The following NRXN1 variants were observed in gnomAD, a reference collection of about 807,000 sequenced individuals.
NRXN1 encodes neurexin 1.
In NRXN1, 39 loss-of-function variants were observed where a neutral mutation model predicts 150.9. That is an observed-to-expected ratio of 0.26 (90% CI 0.20 to 0.34). The LOEUF (loss-of-function observed/expected upper bound fraction) is 0.34, where lower values mean the gene tolerates loss of function less well. Ranked by LOEUF, NRXN1 falls within the 10% of genes least tolerant of loss-of-function variation. The pLI is 1.00. For synonymous variants in NRXN1, 924 were observed against 757.0 expected (o/e 1.22, Z -3.62); for missense variants, 1,815 against 1,949.9 (o/e 0.93, Z 1.30).
chr2:50,113,319 C>G (rs1224193831), intron 18 of NRXN1, among the ~76,000 whole-genome samples: 2 of 152,158 alleles, frequency 1.3e-5, no homozygotes, highest in Non-Finnish European at 2.9e-5. Flanking sequence ...GTGCATGTGT[C>G]TCTTCTGCCT....
chr2:50,675,122 C>CA (rs1417508123), intron 5 of NRXN1, among the ~76,000 whole-genome samples: 1 of 152,046 alleles, frequency 6.6e-6, no homozygotes, highest in Non-Finnish European at 1.5e-5. Context: ...TCTGAGGCCT[C>CA]ACCAGAAGCC....
intron 8 of NRXN1, among the ~76,000 whole-genome samples, chr2:50,596,776 T>C (rs1040977871): frequency 2.0e-5 from 3 of 151,238 alleles, no homozygotes; most frequent in East Asian, 2.0e-4. Flanking sequence ...GGACATTCAG[T>C]AGGGATTTCC....
At chr2:50,254,345 A>AT (rs77945156) in intron 17 of NRXN1, among the ~76,000 whole-genome samples, 15 of 145,206 alleles carry the variant, frequency 1.0e-4, no homozygotes, top group East Asian at 6.0e-4. Context: ...CTGTCTTATT[A>AT]TTTTTTTTCA....
At chr2:50,132,068 G>C (rs557168393) in intron 18 of NRXN1, among the ~76,000 whole-genome samples, 2 of 152,296 alleles carry the variant, frequency 1.3e-5, no homozygotes, top group Non-Finnish European at 2.9e-5. Context: ...CAGGTGCCAT[G>C]TGCTGTTTAC....
At chr2:50,564,559 A>T (rs1669580652) in intron 8 of NRXN1, among the ~76,000 whole-genome samples, 1 of 152,228 alleles carries the variant, frequency 6.6e-6, no homozygotes, top group Non-Finnish European at 1.5e-5. Flanking sequence ...TATAAATGAC[A>T]GAATGAGACA....
intron 2 of NRXN1, chr2:50,985,391 C>T (rs1312250988): frequency 1.3e-5 from 2 of 151,646 alleles, no homozygotes; most frequent in African/African-American, 4.8e-5. Context: ...AGAAGAAAAA[C>T]CATAACGGAA....
chr2:51,013,282 T>C (rs72828353), intron 2 of NRXN1, among the ~76,000 whole-genome samples: 7,571 of 151,992 alleles, frequency 0.05, 344 homozygotes, highest in East Asian at 0.25. Flanking sequence ...AACATAAGCA[T>C]GTGGGTGGAG....
intron 5 of NRXN1, among the ~76,000 whole-genome samples, chr2:50,840,106 T>C (rs867380181): frequency 6.6e-6 from 1 of 152,190 alleles, no homozygotes; most frequent in African/African-American, 2.4e-5. Flanking sequence ...CCTGTAATTC[T>C]TACTGGAATC....
At chr2:50,561,797 T>C (rs867223980) in intron 8 of NRXN1, among the ~76,000 whole-genome samples, 2 of 136,128 alleles carry the variant, frequency 1.5e-5, no homozygotes, top group South Asian at 2.3e-4. Flanking sequence ...CCCCCAATGA[T>C]AGCATTTAGA....
intron 17 of NRXN1, among the ~76,000 whole-genome samples, chr2:50,423,584 T>C (rs946727898): frequency 3.3e-5 from 5 of 152,116 alleles, no homozygotes; most frequent in Non-Finnish European, 7.4e-5. Flanking sequence ...TTAATTTTTT[T>C]CATAATTAAT....
chr2:50,716,285 A>C (rs1417833697), intron 5 of NRXN1, among the ~76,000 whole-genome samples: 1 of 152,170 alleles, frequency 6.6e-6, no homozygotes, highest in African/African-American at 2.4e-5. Context: ...TTTAGGATTT[A>C]GAAGGCTACC....
At chr2:51,013,007 G>T (rs1287815202) in intron 2 of NRXN1, among the ~76,000 whole-genome samples, 1 of 151,980 alleles carries the variant, frequency 6.6e-6, no homozygotes, top group Admixed American at 6.6e-5. Flanking sequence ...AATTACATAG[G>T]ATATAAACGG....
In NRXN1 at chr2:50,707,023, G is replaced by A. The variant is rs116621297; in HGVS notation, c.833-83408C>T. ...TTTAGATGGGTTTAAAGTGGCAGCT[G>A]TAATTTTTGTTGGGTATATGCAGCT... On this transcript the variant is annotated intron_variant, in intron 5 of 22. Coordinates refer to ENST00000401669, the MANE Select transcript of NRXN1 (RefSeq NM_001330078.2). Among the ~76,000 whole-genome samples the A allele has an allele frequency of 6.7e-3, 1,015 of 152,244 alleles. 8 individuals carry two copies. Among genetic ancestry groups the A allele is most frequent in the African/African-American group, 0.023 (962 of 41,552 alleles).
At chr2:50,866,296 T>G (rs1374591407) in intron 5 of NRXN1, among the ~76,000 whole-genome samples, 1 of 151,982 alleles carries the variant, frequency 6.6e-6, no homozygotes, top group African/African-American at 2.4e-5. Flanking sequence ...AAATGTATCC[T>G]TAGTTTTTTC....
At chr2:50,369,454 G>T (rs900832662) in intron 17 of NRXN1, among the ~76,000 whole-genome samples, 1 of 151,890 alleles carries the variant, frequency 6.6e-6, no homozygotes, top group African/African-American at 2.4e-5. Context: ...CACATGGATT[G>T]ATCTTACAGG....
At chr2:50,475,662 C>A (rs2089929961) in intron 15 of NRXN1, among the ~76,000 whole-genome samples, 1 of 152,092 alleles carries the variant, frequency 6.6e-6, no homozygotes, top group African/African-American at 2.4e-5. Context: ...AAATAGGGGA[C>A]TCATTCTCAT....
At chr2:50,609,845 G>A (rs1032229591) in intron 8 of NRXN1, among the ~76,000 whole-genome samples, 4 of 152,000 alleles carry the variant, frequency 2.6e-5, no homozygotes, top group African/African-American at 9.7e-5. Context: ...TCCACAGAGA[G>A]CCTGGTACAT....
At chr2:50,285,608 T>G (rs1558452769) in intron 17 of NRXN1, among the ~76,000 whole-genome samples, 2 of 152,202 alleles carry the variant, frequency 1.3e-5, no homozygotes, top group African/African-American at 2.4e-5. Context: ...ATGTTATAAC[T>G]AAAAGACTGA....
At chr2:50,773,447 T>G (rs914254884) in intron 5 of NRXN1, among the ~76,000 whole-genome samples, 1 of 152,004 alleles carries the variant, frequency 6.6e-6, no homozygotes, top group Non-Finnish European at 1.5e-5. Flanking sequence ...TAGAAAGAAA[T>G]AAAAGCTGCC....
Sources: gnomAD v4.1 joint callset for allele counts (sites outside exome capture counted in the v4.1 genomes callset) on GRCh38, gnomAD v4.1.1 for gene constraint, MANE v1.5 for transcripts, NCBI Gene and HGNC (gene_info 2026-07-23, HGNC 2026-07-21) for gene names.